Variants in POTEF observed in about 807,000 individuals in gnomAD.
The protein encoded by POTEF is POTE ankyrin domain family member F.
POTEF carries 20 observed loss-of-function variants against 83.2 expected under a neutral mutation model. That is an observed-to-expected ratio of 0.24 (90% confidence interval 0.17 to 0.35). POTEF has a LOEUF of 0.35. Ranked by LOEUF, POTEF falls within the 10% of genes least tolerant of loss-of-function variation. POTEF has a pLI of 1.00. For missense variants in POTEF, 550 were observed against 1,203.2 expected (o/e 0.46, Z 8.03); for synonymous variants, 196 against 446.4 (o/e 0.44, Z 7.07).
chr2:130,127,534 G>A (rs146066954), intron 2 of POTEF, among the ~76,000 whole-genome samples, 175 bp downstream of exon 2: 25 of 149,828 alleles, frequency 1.7e-4, no homozygotes, highest in Non-Finnish European at 2.9e-4. Flanking sequence ...CAGCAGGTTC[G>A]TCCCCACCCC....
At chr2:130,127,676 C>A in intron 2 of POTEF, 33 bp downstream of exon 2, 1 of 152,796 alleles carries the variant, frequency 6.5e-6, no homozygotes, top group South Asian at 1.8e-4. Flanking sequence ...CTACAAGGTT[C>A]CTACCACCTT....
chr2:130,118,245 T>C (rs1298484495), intron 3 of POTEF, among the ~76,000 whole-genome samples: 2 of 151,886 alleles, frequency 1.3e-5, no homozygotes, highest in African/African-American at 4.8e-5. Context: ...CGGCCTTTCA[T>C]TCCTCTTCTA....
chr2:130,083,735 C>T (rs1171740478), intron 15 of POTEF, among the ~76,000 whole-genome samples: 15 of 64,588 alleles, frequency 2.3e-4, no homozygotes, highest in African/African-American at 1.1e-3. Context: ...ATACTTAACG[C>T]TCATGACTGA....
chr2:130,111,436 A>C (rs2104816471), intron 6 of POTEF, among the ~76,000 whole-genome samples: 1 of 152,204 alleles, frequency 6.6e-6, no homozygotes, highest in Non-Finnish European at 1.5e-5. Context: ...TAAAAACATC[A>C]AAATACACTG....
rs1470317280 is a variant in POTEF, at chr2:130,075,764, T to A, written c.1900-192A>T. ...TCCTCCAGTGATTTATTTTTCATCG[T>A]CTTTAAATAAATATTTAAACTTTTA... On this transcript the variant is annotated intron_variant, in intron 16 of 16. Coordinates refer to ENST00000409914, the MANE Select transcript of POTEF (RefSeq NM_001099771.2). Among the ~76,000 whole-genome samples, 3 of 145,432 alleles carry A rather than the reference T, an allele frequency of 2.1e-5. No homozygotes were observed. The East Asian group carries it at 6.1e-4, about 30-fold the overall frequency.
chr2:130,103,543 C>A lies in POTEF; in HGVS notation c.1127-1363G>T, dbSNP rs182659481. ...CTGCATCTTTACCACCTGAACTGTA[C>A]ATTATTCCTCCACATGTCTGTCCCG... On this transcript the variant is annotated intron_variant, in intron 8 of 16. Transcript: ENST00000409914. 2.1e-3 allele frequency among the ~76,000 whole-genome samples: 272 copies of A among 132,578 alleles called. 12 individuals carry two copies. Among genetic ancestry groups the A allele is most frequent in the African/African-American group, 7.4e-3 (254 of 34,174 alleles). 87.0% of individuals were successfully genotyped at this position (132,578 alleles called of 152,430 possible).
intron 3 of POTEF, among the ~76,000 whole-genome samples, chr2:130,119,221 T>A (rs1425529765): frequency 4.0e-5 from 6 of 151,362 alleles, no homozygotes; most frequent in Non-Finnish European, 2.9e-5. Flanking sequence ...TGGAGTGCAG[T>A]GGCACTATCT....
intron 15 of POTEF, among the ~76,000 whole-genome samples, chr2:130,078,095 C>A (rs1683866156): frequency 1.0e-5 from 1 of 95,944 alleles, no homozygotes; most frequent in Non-Finnish European, 2.2e-5. Context: ...CTGGGAAGTC[C>A]TAGGCAGAGC....
chr2:130,085,005 CATT>C (rs1402883962), intron 15 of POTEF, among the ~76,000 whole-genome samples: 1 of 32,986 alleles, frequency 3.0e-5, no homozygotes, highest in Non-Finnish European at 6.4e-5. Context: ...TTGCATAATA[CATT>C]ATTTTGGGGA....
At chr2:130,105,151 T>A (rs200304953) in intron 8 of POTEF, among the ~76,000 whole-genome samples, 2 of 131,964 alleles carry the variant, frequency 1.5e-5, no homozygotes, top group African/African-American at 5.9e-5. Context: ...TGACGATACC[T>A]CTCTTCTGCC....
chr2:130,099,099 G>A lies in POTEF; in HGVS notation c.1409+371C>T, dbSNP rs1264755649. On this transcript the variant is annotated intron_variant, in intron 11 of 16. Coordinates refer to ENST00000409914, the MANE Select transcript of POTEF (RefSeq NM_001099771.2). ...AGGTGGAGCGTCGCGGGAGGGAGACGACCAAAAAACTAACTTTTGGTGTTT... is the reference window on the plus strand; with the variant it reads ...AGGTGGAGCGTCGCGGGAGGGAGACAACCAAAAAACTAACTTTTGGTGTTT... 5.9e-5 allele frequency among the ~76,000 whole-genome samples: 4 copies of A among 67,714 alleles called. 2 individuals are homozygous for A. Among genetic ancestry groups the A allele is most frequent in the African/African-American group, 3.3e-4 (4 of 12,290 alleles). The allele number at this position is 67,714 out of a possible 152,430, so 44.4% of individuals were successfully genotyped here.
intron 8 of POTEF, among the ~76,000 whole-genome samples, chr2:130,103,301 C>T (rs138312386): frequency 1.3e-5 from 2 of 150,220 alleles, no homozygotes; most frequent in Non-Finnish European, 2.9e-5. Context: ...CGGGGTTTCA[C>T]CATTGGCCAT....
At chr2:130,075,803 A>G (rs921524836) in intron 16 of POTEF, among the ~76,000 whole-genome samples, 1 of 146,800 alleles carries the variant, frequency 6.8e-6, no homozygotes, top group African/African-American at 2.5e-5. Flanking sequence ...ATCTGCTCCT[A>G]AATTCCTAAA....
At chr2:130,126,421 G>A (rs1294900157) in intron 2 of POTEF, among the ~76,000 whole-genome samples, 2 of 151,976 alleles carry the variant, frequency 1.3e-5, no homozygotes, top group African/African-American at 4.8e-5. Context: ...CTCCTGCATA[G>A]CTCCAAATAT....
In POTEF at chr2:130,114,017, T is replaced by A. The variant is rs551223447; in HGVS notation, c.810+864A>T. On this transcript the variant is annotated intron_variant, in intron 5 of 16. Coordinates refer to ENST00000409914, the MANE Select transcript of POTEF (RefSeq NM_001099771.2). Reference sequence around the variant, plus strand: ...ATCTTCCACCTTCCCATCCAGACACTCTAGATTTGAAAGCAGAGCTGAGAC... The same window carrying A: ...ATCTTCCACCTTCCCATCCAGACACACTAGATTTGAAAGCAGAGCTGAGAC... Among the ~76,000 whole-genome samples, 104 of 152,124 alleles carry A rather than the reference T, an allele frequency of 6.8e-4. 1 individual carries two copies. Among genetic ancestry groups the A allele is most frequent in the African/African-American group, 2.3e-3 (94 of 41,426 alleles).
At chr2:130,119,247 T>A (rs952751562) in intron 3 of POTEF, among the ~76,000 whole-genome samples, 2 of 150,634 alleles carry the variant, frequency 1.3e-5, no homozygotes, top group African/African-American at 2.5e-5. Flanking sequence ...CACTGCAAGC[T>A]CCACCTCCCG....
intron 7 of POTEF, chr2:130,109,846 CA>C (rs1684659283): frequency 1.3e-5 from 2 of 151,938 alleles, no homozygotes; most frequent in Non-Finnish European, 2.9e-5. Context: ...CGGATAAAGT[CA>C]GGATGCCCAG....
chr2:130,092,258 TAA>T (rs1359079112), intron 12 of POTEF, among the ~76,000 whole-genome samples: 1 of 53,814 alleles, frequency 1.9e-5, no homozygotes, highest in Non-Finnish European at 3.6e-5. Flanking sequence ...GCTTAGTATC[TAA>T]AAGACATTTG....
chr2:130,118,239 C>T (rs1219199234), intron 3 of POTEF, among the ~76,000 whole-genome samples: 1 of 151,914 alleles, frequency 6.6e-6, no homozygotes, highest in Non-Finnish European at 1.5e-5. Flanking sequence ...TGTACCCGGC[C>T]TTTCATTCCT....
Sources: gnomAD v4.1 joint callset for allele counts (sites outside exome capture counted in the v4.1 genomes callset) on GRCh38, gnomAD v4.1.1 for gene constraint, MANE v1.5 for transcripts, NCBI Gene and HGNC (gene_info 2026-07-23, HGNC 2026-07-21) for gene names.